The following LRRTM4 variants were observed in gnomAD, a reference collection of about 807,000 sequenced individuals.
LRRTM4 encodes leucine-rich repeat transmembrane neuronal protein 4.
In LRRTM4, 25 loss-of-function variants were observed where a neutral mutation model predicts 47.6. The observed-to-expected ratio is 0.53, with a 90% CI of 0.38 to 0.73. The LOEUF (loss-of-function observed/expected upper bound fraction) is 0.73, where lower values mean the gene tolerates loss of function less well. LRRTM4 is among the 30% of genes least tolerant of loss of function. The pLI is 0.00. For synonymous variants in LRRTM4, 311 were observed against 269.5 expected (o/e 1.15, Z -1.51); for missense variants, 638 against 713.4 (o/e 0.89, Z 1.20).
rs557219297 is a variant in LRRTM4, at chr2:77,288,580, A to G, written c.1551+229738T>C. 5.3e-5 allele frequency among the ~76,000 whole-genome samples: 8 copies of G among 152,222 alleles called. No homozygotes were observed. The South Asian group carries it at 1.7e-3, about 32-fold the overall frequency. Reference sequence around the variant, plus strand: ...TTCCAAGGTAATGTGTCCAACATATAAACATACCATTGCATTTTATCTATA... The same window carrying G: ...TTCCAAGGTAATGTGTCCAACATATGAACATACCATTGCATTTTATCTATA... On this transcript the variant is annotated intron_variant, in intron 3 of 3. Coordinates refer to ENST00000409884, the MANE Select transcript of LRRTM4 (RefSeq NM_001134745.3).
intron 3 of LRRTM4, among the ~76,000 whole-genome samples, chr2:77,292,960 A>T (rs1676869653): frequency 6.6e-6 from 1 of 151,838 alleles, no homozygotes; most frequent in Non-Finnish European, 1.5e-5. Flanking sequence ...ACATTGCTTT[A>T]AAAATACCTA....
intron 3 of LRRTM4, among the ~76,000 whole-genome samples, chr2:77,460,118 A>C (rs1676729591): frequency 6.6e-6 from 1 of 152,156 alleles, no homozygotes; most frequent in Admixed American, 6.6e-5. Flanking sequence ...TGAAACTGAA[A>C]GAATGCCTAA....
chr2:77,054,158 G>A (rs1348824), intron 3 of LRRTM4, among the ~76,000 whole-genome samples: 80,684 of 151,880 alleles, frequency 0.53, 23,863 homozygotes, highest in African/African-American at 0.8. Context: ...TGAGGAGTCA[G>A]TAACAGGGCA....
At chr2:77,044,652 TACAA>T (rs1435583320) in intron 3 of LRRTM4, among the ~76,000 whole-genome samples, 2 of 151,484 alleles carry the variant, frequency 1.3e-5, no homozygotes, top group Non-Finnish European at 3.0e-5. Context: ...CACAAACATA[TACAA>T]ACACACACAT....
At chr2:77,021,321 C>T (rs968144056) in intron 3 of LRRTM4, among the ~76,000 whole-genome samples, 1 of 151,984 alleles carries the variant, frequency 6.6e-6, no homozygotes, top group Non-Finnish European at 1.5e-5. Flanking sequence ...ATTTTACAGA[C>T]AGAGGAGGGA....
At chr2:76,841,284 G>T (rs984630106) in intron 3 of LRRTM4, among the ~76,000 whole-genome samples, 2 of 151,052 alleles carry the variant, frequency 1.3e-5, no homozygotes, top group African/African-American at 4.9e-5. Context: ...GTGGGGTGGG[G>T]GGAGTGGGGA....
chr2:77,002,964 T>C (rs1677487178), intron 3 of LRRTM4, among the ~76,000 whole-genome samples: 1 of 151,668 alleles, frequency 6.6e-6, no homozygotes, highest in South Asian at 2.1e-4. Context: ...TCATTTATGC[T>C]ACACAGAGCA....
intron 3 of LRRTM4, among the ~76,000 whole-genome samples, chr2:77,477,426 A>G (rs906038348): frequency 2.6e-5 from 4 of 152,180 alleles, no homozygotes; most frequent in African/African-American, 9.7e-5. Flanking sequence ...TTTAAACTCT[A>G]CCATAAACAC....
At chr2:77,093,171 G>C (rs900867794) in intron 3 of LRRTM4, among the ~76,000 whole-genome samples, 1 of 148,146 alleles carries the variant, frequency 6.8e-6, no homozygotes, top group African/African-American at 2.6e-5. Flanking sequence ...CCCTGCTCTT[G>C]TTTACACTGC....
At chr2:76,759,246 C>T (rs377528293) in intron 3 of LRRTM4, among the ~76,000 whole-genome samples, 6 of 152,088 alleles carry the variant, frequency 3.9e-5, no homozygotes, top group African/African-American at 9.6e-5. Context: ...TCAGTAAAGC[C>T]GAGGTAGAAA....
At chr2:76,899,835 A>C (rs1314235117) in intron 3 of LRRTM4, among the ~76,000 whole-genome samples, 1 of 152,212 alleles carries the variant, frequency 6.6e-6, no homozygotes, top group Non-Finnish European at 1.5e-5. Flanking sequence ...GAGCTAGAAC[A>C]AGTTCTTTGT....
intron 3 of LRRTM4, among the ~76,000 whole-genome samples, chr2:77,249,805 A>T (rs1675553791): frequency 6.6e-6 from 1 of 152,232 alleles, no homozygotes; most frequent in Non-Finnish European, 1.5e-5. Context: ...CCTAGCTAGC[A>T]GTCATGCTCT....
rs552513112 is a variant in LRRTM4 at position 77,125,380 on chromosome 2, T to G, written c.1552-376464A>C. 3.9e-4 allele frequency among the ~76,000 whole-genome samples: 59 copies of G among 152,302 alleles called. 1 individual carries two copies. The South Asian group carries it at 0.012, about 31-fold the overall frequency. On this transcript the variant is annotated intron_variant, in intron 3 of 3. Transcript: ENST00000409884. ...CAGATAGAGGTGCACATGAGTACAGTCCTTACTAGGGCCAACTTTCTCACT... is the reference window on the plus strand; with the variant it reads ...CAGATAGAGGTGCACATGAGTACAGGCCTTACTAGGGCCAACTTTCTCACT...
chr2:77,086,216 T>C lies in LRRTM4; in HGVS notation c.1552-337300A>G, dbSNP rs536508332. Among the ~76,000 whole-genome samples, 16 of 152,190 alleles carry C rather than the reference T, an allele frequency of 1.1e-4. No homozygotes were observed. The South Asian group carries it at 1.2e-3, about 12-fold the overall frequency. On this transcript the variant is annotated intron_variant, in intron 3 of 3. Transcript: ENST00000409884. ...TAATCCTGACAGCCATCCAAGGAAGTAGAAACTGTTATGTTTATTTTGTAA... is the reference window on the plus strand; with the variant it reads ...TAATCCTGACAGCCATCCAAGGAAGCAGAAACTGTTATGTTTATTTTGTAA...
chr2:77,367,974 T>C (rs980678435), intron 3 of LRRTM4, among the ~76,000 whole-genome samples: 5 of 151,792 alleles, frequency 3.3e-5, no homozygotes, highest in African/African-American at 9.7e-5. Context: ...TTTAGGTGCC[T>C]TTTTTCATCG....
At chr2:77,386,167 G>A (rs1047730436) in intron 3 of LRRTM4, among the ~76,000 whole-genome samples, 1 of 151,948 alleles carries the variant, frequency 6.6e-6, no homozygotes, top group African/African-American at 2.4e-5. Context: ...AATCGCATTT[G>A]AAGACTAAAA....
At chr2:77,001,391 A>G (rs62171997) in intron 3 of LRRTM4, among the ~76,000 whole-genome samples, 21,316 of 152,142 alleles carry the variant, frequency 0.14, 1,601 homozygotes, top group Admixed American at 0.2. Context: ...TTCCCAGGAA[A>G]GTGATCTACC....
At chr2:77,181,686 T>C (rs1558621966) in intron 3 of LRRTM4, among the ~76,000 whole-genome samples, 3 of 152,182 alleles carry the variant, frequency 2.0e-5, no homozygotes, top group Non-Finnish European at 4.4e-5. Flanking sequence ...GTTAGTATTA[T>C]TAAGTAGGAA....
chr2:77,489,132 G>GTC (rs3085640), intron 3 of LRRTM4, among the ~76,000 whole-genome samples: 141,520 of 152,078 alleles, frequency 0.93, 65,889 homozygotes, highest in African/African-American at 0.95. Context: ...TGGCCAAATG[G>GTC]TCTCTATATA....
Sources: gnomAD v4.1 joint callset for allele counts (sites outside exome capture counted in the v4.1 genomes callset) on GRCh38, gnomAD v4.1.1 for gene constraint, MANE v1.5 for transcripts, NCBI Gene and HGNC (gene_info 2026-07-23, HGNC 2026-07-21) for gene names.